DHRSX: variants seen among roughly 807,000 people sequenced by gnomAD.
DHRSX encodes the protein dehydrogenase/reductase X-linked.
A neutral mutation model predicts 34.0 loss-of-function variants in DHRSX; 31 were observed. That is an observed-to-expected ratio of 0.91 (90% CI 0.69 to 1.23). DHRSX has a LOEUF of 1.23. DHRSX is among the 50% of genes most tolerant of loss of function. The probability of loss-of-function intolerance (pLI) is 0.00; values close to 1 mark genes in which losing one functional copy is unlikely to be tolerated. For missense variants in DHRSX, 414 were observed against 428.1 expected, an observed-to-expected ratio of 0.97 and a Z score of 0.29; for synonymous variants, 201 against 183.8, an observed-to-expected ratio of 1.09 and a Z score of -0.76.
At chrX:2,358,808 T>C (rs2042889970) in intron 3 of DHRSX, among the ~76,000 whole-genome samples, 1 of 151,986 alleles carries the variant, frequency 6.6e-6, no homozygotes, top group African/African-American at 2.4e-5. Flanking sequence ...TCTGAAAAAG[T>C]GCATGTAACT....
chrX:2,405,351 G>A (rs1244764740), intron 3 of DHRSX, among the ~76,000 whole-genome samples: 1 of 151,978 alleles, frequency 6.6e-6, no homozygotes, highest in Non-Finnish European at 1.5e-5. Flanking sequence ...GCCGGGCTTG[G>A]TGGGTGGGCG....
chrX:2,327,754 C>G (rs1045445599), intron 3 of DHRSX, among the ~76,000 whole-genome samples: 3 of 152,036 alleles, frequency 2.0e-5, no homozygotes, highest in African/African-American at 7.3e-5. Context: ...ACCAGGGAGG[C>G]CCCTAATCCG....
At chrX:2,303,999 TGATGGATGGACGGATGGATGAACTGATG>T (rs2042056614) in intron 3 of DHRSX, among the ~76,000 whole-genome samples, 1 of 68,748 alleles carries the variant, frequency 1.5e-5, no homozygotes, top group African/African-American at 5.9e-5. Flanking sequence ...ATGGATGAAT[TGATGGATGGACGGATGGATGAACTGATG>T]GATGGATGGA....
intron 3 of DHRSX, among the ~76,000 whole-genome samples, chrX:2,298,037 T>G (rs1457704587): frequency 6.6e-6 from 1 of 152,156 alleles, no homozygotes; most frequent in African/African-American, 2.4e-5. Flanking sequence ...ATGACAGGCA[T>G]GAGCTACCAC....
rs868191377 is a variant in DHRSX, at chrX:2,336,863, T to A, written c.287-45260A>T. ...GATAGATAGATATAGATAGATAGAT[T>A]TATTTTACTTTAAGTTGCAAGATAC... On this transcript the variant is annotated intron_variant, in intron 3 of 6. Coordinates refer to ENST00000334651, the MANE Select transcript of DHRSX (RefSeq NM_145177.3). Among the ~76,000 whole-genome samples, 30 of 143,140 alleles carry A rather than the reference T, an allele frequency of 2.1e-4. No homozygotes were observed. The South Asian group carries it at 5.6e-3, about 27-fold the overall frequency. 93.9% of individuals were successfully genotyped at this position (143,140 alleles called of 152,430 possible).
intron 1 of DHRSX, among the ~76,000 whole-genome samples, chrX:2,484,606 G>A (rs941203488): frequency 3.3e-5 from 5 of 152,038 alleles, no homozygotes; most frequent in African/African-American, 7.2e-5. Context: ...TGCTGCAGAC[G>A]GTCCTGTGAG....
chrX:2,333,714 A>AT (rs2042513299), intron 3 of DHRSX, among the ~76,000 whole-genome samples: 1 of 151,986 alleles, frequency 6.6e-6, no homozygotes, highest in Admixed American at 6.6e-5. Flanking sequence ...CGCCCGGCCA[A>AT]TAGGCAGCTT....
chrX:2,366,003 C>T (rs1260531819), intron 3 of DHRSX, among the ~76,000 whole-genome samples: 3 of 152,172 alleles, frequency 2.0e-5, no homozygotes, highest in African/African-American at 7.2e-5. Flanking sequence ...CACATGACAT[C>T]CTACCCTCTG....
At position 2,363,655 on chromosome X, in the gene DHRSX, C is replaced by T. The variant is rs1429767218; in HGVS notation, c.286+45090G>A. ...TGGTATCATGCCGCCATTTTATCACCGTTCTATGGTATCATGCTGCCATTT... is the reference window on the plus strand; with the variant it reads ...TGGTATCATGCCGCCATTTTATCACTGTTCTATGGTATCATGCTGCCATTT... On this transcript the variant is annotated intron_variant, in intron 3 of 6. Coordinates refer to ENST00000334651, the MANE Select transcript of DHRSX (RefSeq NM_145177.3). Among the ~76,000 whole-genome samples the T allele has an allele frequency of 2.0e-4, 27 of 136,914 alleles. 1 individual carries two copies. Among genetic ancestry groups the T allele is most frequent in the African/African-American group, 3.1e-4 (11 of 35,430 alleles). The allele number at this position is 136,914 out of a possible 152,430, so 89.8% of individuals were successfully genotyped here.
chrX:2,345,891 C>G (rs1361189347), intron 3 of DHRSX, among the ~76,000 whole-genome samples: 3 of 152,128 alleles, frequency 2.0e-5, no homozygotes, highest in Non-Finnish European at 2.9e-5. Context: ...ACTTGCCAGC[C>G]TCCATCACCA....
intron 1 of DHRSX, among the ~76,000 whole-genome samples, chrX:2,458,497 A>ATT (rs1301674751): frequency 1.3e-5 from 2 of 152,194 alleles, no homozygotes; most frequent in Non-Finnish European, 2.9e-5. Context: ...AATGGTATGC[A>ATT]GCCATGAAAA....
chrX:2,371,337 CT>C (rs1278028148), intron 3 of DHRSX, among the ~76,000 whole-genome samples: 2 of 149,612 alleles, frequency 1.3e-5, no homozygotes, highest in Non-Finnish European at 3.0e-5. Flanking sequence ...ATAGTCCCTC[CT>C]TCCGTTACCA....
chrX:2,327,654 C>T (rs1291876461), intron 3 of DHRSX, among the ~76,000 whole-genome samples: 4 of 152,176 alleles, frequency 2.6e-5, no homozygotes, highest in Non-Finnish European at 2.9e-5. Context: ...TCTCCCAAAT[C>T]CCTATGTTAA....
rs1353032109 is a variant in DHRSX at position 2,232,299 on chromosome X, A to T, written c.804+10724T>A. On this transcript the variant is annotated intron_variant, in intron 6 of 6. Coordinates refer to ENST00000334651, the MANE Select transcript of DHRSX (RefSeq NM_145177.3). ...TTGTTCACTTGTGTGAGGCTGGGGG[A>T]TTCCTGAATGAACTTGTATCCACTT... Among the ~76,000 whole-genome samples the T allele has an allele frequency of 2.0e-5, 3 of 151,012 alleles. No homozygotes were observed. The East Asian group carries it at 5.8e-4, about 29-fold the overall frequency.
Position 2,321,724 on chromosome X carries a change from CTAT to C in DHRSX, c.287-30124_287-30122del, listed in dbSNP as rs368365016. Among the ~76,000 whole-genome samples, 763 of 152,164 alleles carry C rather than the reference CTAT, an allele frequency of 5.0e-3. 5 individuals are homozygous for C. Among genetic ancestry groups the C allele is most frequent in the African/African-American group, 0.017 (715 of 41,512 alleles). On this transcript the variant is annotated intron_variant, in intron 3 of 6. Coordinates refer to ENST00000334651, the MANE Select transcript of DHRSX (RefSeq NM_145177.3). ...ATTTCTGTTATTTATGCCACCCCATCTATGGTCCAGTTAACCCTTAAACAACAC... is the reference window on the plus strand; with the variant it reads ...ATTTCTGTTATTTATGCCACCCCATCGGTCCAGTTAACCCTTAAACAACAC...
chrX:2,245,087 C>T (rs1353930603), intron 5 of DHRSX, among the ~76,000 whole-genome samples: 3 of 152,030 alleles, frequency 2.0e-5, no homozygotes, highest in South Asian at 2.1e-4. Context: ...ACCCCAAAAG[C>T]GGGAAGCTCA....
At position 2,222,199 on chromosome X, in the gene DHRSX, T is replaced by C. The variant is rs1350120636; in HGVS notation, c.805-970A>G. On this transcript the variant is annotated intron_variant, in intron 6 of 6. Coordinates refer to ENST00000334651, the MANE Select transcript of DHRSX (RefSeq NM_145177.3). ...TTGCCCAGCCTATGTTGTTTTGTGA[T>C]AGCAACACAAACAGACTAAGACATT... 8.5e-5 allele frequency among the ~76,000 whole-genome samples: 13 copies of C among 152,358 alleles called. No homozygotes were observed. The East Asian group carries it at 2.5e-3, about 29-fold the overall frequency.
chrX:2,391,670 A>G (rs1220205834), intron 3 of DHRSX, among the ~76,000 whole-genome samples: 1 of 152,202 alleles, frequency 6.6e-6, no homozygotes, highest in Non-Finnish European at 1.5e-5. Context: ...GGACTCCTGT[A>G]ATCCCAGCAC....
At chrX:2,360,501 T>G (rs1195186728) in intron 3 of DHRSX, among the ~76,000 whole-genome samples, 1 of 152,102 alleles carries the variant, frequency 6.6e-6, no homozygotes, top group African/African-American at 2.4e-5. Context: ...GAGAATCGCT[T>G]GAACCCGGGA....
Sources: gnomAD v4.1 joint callset for allele counts (sites outside exome capture counted in the v4.1 genomes callset) on GRCh38, gnomAD v4.1.1 for gene constraint, MANE v1.5 for transcripts, NCBI Gene and HGNC (gene_info 2026-07-23, HGNC 2026-07-21) for gene names.